Variants in MAP2K4 observed in about 807,000 individuals in gnomAD.
The protein encoded by MAP2K4 is dual specificity mitogen-activated protein kinase kinase 4.
A neutral mutation model predicts 48.5 loss-of-function variants in MAP2K4; 4 were observed. That is an observed-to-expected ratio of 0.08 (90% confidence interval 0.04 to 0.19). MAP2K4 has a LOEUF of 0.19. Ranked by LOEUF, MAP2K4 falls within the 10% of genes least tolerant of loss-of-function variation. The pLI, the probability that MAP2K4 is intolerant of heterozygous loss-of-function variation, is 1.00. For missense variants in MAP2K4, 258 were observed against 493.3 expected (o/e 0.52, Z 4.52); for synonymous variants, 166 against 173.1 (o/e 0.96, Z 0.32).
chr17:12,103,313 T>G (rs1185229576), intron 4 of MAP2K4, among the ~76,000 whole-genome samples: 1 of 151,818 alleles, frequency 6.6e-6, no homozygotes, highest in African/African-American at 2.4e-5. Flanking sequence ...CCCTAAAGCA[T>G]TGGAATTACA....
chr17:12,136,515 G>T (rs1290858577), intron 9 of MAP2K4, among the ~76,000 whole-genome samples: 8 of 152,224 alleles, frequency 5.3e-5, no homozygotes, highest in Admixed American at 5.2e-4. Flanking sequence ...GCTCTGTCTA[G>T]TGTGGTAGCT....
chr17:12,106,888 T>C lies in MAP2K4; in HGVS notation c.514-902T>C, dbSNP rs140007846. 9.7e-3 allele frequency among the ~76,000 whole-genome samples: 1,477 copies of C among 152,214 alleles called. 19 individuals are homozygous for C. The highest frequency in any genetic ancestry group is 0.032 in the African/African-American group (1,344 of 41,574). The stretch of plus-strand genomic sequence containing the variant: ...AATTGATTTTAGATAATCTCTTTAA[T>C]GTTGTTGTATTCCCTTTTGTGAGAT... On this transcript the variant is annotated intron_variant, in intron 4 of 10. Coordinates refer to ENST00000353533, the MANE Select transcript of MAP2K4 (RefSeq NM_003010.4).
intron 4 of MAP2K4, among the ~76,000 whole-genome samples, chr17:12,107,382 CTTTTTTTTTT>C (rs71367383): frequency 9.4e-6 from 1 of 106,408 alleles, no homozygotes; most frequent in African/African-American, 3.6e-5. Flanking sequence ...TGTCTTTTTC[CTTTTTTTTTT>C]TTTTTTTTTG....
intron 7 of MAP2K4, among the ~76,000 whole-genome samples, chr17:12,121,195 C>T (rs1049611984): frequency 1.3e-5 from 2 of 152,198 alleles, no homozygotes; most frequent in South Asian, 2.1e-4. Flanking sequence ...ATAAAATTAC[C>T]TTCAGGCTAT....
chr17:12,026,774 C>G (rs994969857), intron 1 of MAP2K4: 1 of 152,164 alleles, frequency 6.6e-6, no homozygotes, highest in East Asian at 1.9e-4. Context: ...AGTCAGGGGG[C>G]GGAAGCTCCA....
chr17:12,119,905 G>T (rs538714963), intron 7 of MAP2K4, among the ~76,000 whole-genome samples: 2 of 152,192 alleles, frequency 1.3e-5, no homozygotes, highest in Non-Finnish European at 2.9e-5. Flanking sequence ...GCAAACTAAT[G>T]CAGGAACAGA....
intron 9 of MAP2K4, among the ~76,000 whole-genome samples, chr17:12,137,472 C>T (rs1296635071): frequency 2.0e-5 from 3 of 152,126 alleles, no homozygotes; most frequent in Non-Finnish European, 4.4e-5. Context: ...ATGGAAAAAT[C>T]ATAGCTGTTG....
chr17:12,094,168 A>C (rs755612411), intron 3 of MAP2K4, among the ~76,000 whole-genome samples: 1 of 152,176 alleles, frequency 6.6e-6, no homozygotes, highest in Non-Finnish European at 1.5e-5. Context: ...TTAATATAAA[A>C]GTTGTAGGTA....
chr17:12,053,875 A>G (rs1244385232), intron 1 of MAP2K4, among the ~76,000 whole-genome samples: 3 of 152,070 alleles, frequency 2.0e-5, no homozygotes, highest in Non-Finnish European at 4.4e-5. Flanking sequence ...GAGGTCAGAA[A>G]GTGTTTGGAT....
In MAP2K4 at chr17:12,093,105, A is replaced by G. The variant is rs190585043; in HGVS notation, c.394-2470A>G. 3.3e-5 allele frequency among the ~76,000 whole-genome samples: 5 copies of G among 152,362 alleles called. No individual in the cohort carries two copies. The East Asian group carries it at 9.6e-4, about 29-fold the overall frequency. The stretch of plus-strand genomic sequence containing the variant: ...AGCAGCTACTTTTCTACCTACTGCC[A>G]GATACTTAGACAAAATGTTCAGAGA... On this transcript the variant is annotated intron_variant, in intron 3 of 10. Coordinates refer to ENST00000353533, the MANE Select transcript of MAP2K4 (RefSeq NM_003010.4).
At chr17:12,064,019 G>C (rs1377094579) in intron 2 of MAP2K4, among the ~76,000 whole-genome samples, 3 of 109,802 alleles carry the variant, frequency 2.7e-5, no homozygotes, top group African/African-American at 9.7e-5. Context: ...AGGGGAAGGG[G>C]GGGAGAGAGA....
At chr17:12,113,130 C>T (rs1972362524) in intron 6 of MAP2K4, 103 bp from the exon 7 acceptor site, 4 of 940,142 alleles carry the variant, frequency 4.3e-6, no homozygotes, top group South Asian at 3.9e-5. Context: ...AGGACTTGAC[C>T]ACTTATGTTG....
intron 3 of MAP2K4, among the ~76,000 whole-genome samples, chr17:12,088,548 C>T (rs4989898): frequency 3.8e-5 from 5 of 130,126 alleles, no homozygotes; most frequent in South Asian, 2.2e-4. Context: ...TAAATTATAT[C>T]TAATATATAA....
chr17:12,130,629 G>A (rs1252345694), intron 9 of MAP2K4, among the ~76,000 whole-genome samples: 1 of 152,182 alleles, frequency 6.6e-6, no homozygotes, highest in Non-Finnish European at 1.5e-5. Context: ...TAGAGTGACA[G>A]TTTTAGACAT....
intron 9 of MAP2K4, among the ~76,000 whole-genome samples, chr17:12,131,551 AGC>A (rs1187639817): frequency 6.6e-6 from 1 of 152,006 alleles, no homozygotes; most frequent in Non-Finnish European, 1.5e-5. Flanking sequence ...GGCCCGCTCT[AGC>A]CACATTTCTC....
In MAP2K4 at chr17:12,141,288, AAAG is replaced by A. The variant is rs1440414957; in HGVS notation, c.*29_*31del. On this transcript the variant is annotated 3_prime_UTR_variant, in exon 11 of 11. Transcript: ENST00000353533. The stretch of plus-strand genomic sequence containing the variant: ...TCGCTGCTACATCAGACTCTAGAAA[AAAG>A]GGCTGAGAGGAAGCAAGACGTAAAG... 6.6e-7 allele frequency: 1 copy of A among 1,505,484 alleles called. No individual in the cohort carries two copies. The highest frequency in any genetic ancestry group is 9.2e-7 in the Non-Finnish European group (1 of 1,081,242). 93.3% of individuals were successfully genotyped at this position (1,505,484 alleles called of 1,614,324 possible). A position where few individuals can be genotyped will look rare whatever the true frequency, so the allele number is the denominator to read the frequency against.
intron 2 of MAP2K4, among the ~76,000 whole-genome samples, chr17:12,067,794 G>A (rs1010711421): frequency 1.1e-4 from 16 of 152,180 alleles, no homozygotes; most frequent in African/African-American, 3.6e-4. Flanking sequence ...TAGTTACTAT[G>A]GTGTGGGCAT....
intron 1 of MAP2K4, among the ~76,000 whole-genome samples, chr17:12,022,415 T>C (rs1055850872): frequency 2.0e-5 from 3 of 152,198 alleles, no homozygotes; most frequent in African/African-American, 4.8e-5. Context: ...TGATGAAGTA[T>C]AAGATTGACT....
rs559487451 is a variant in MAP2K4, at chr17:12,115,914, C to T, written c.813+2554C>T. 203 of 547,962 alleles carry T rather than the reference C, an allele frequency of 3.7e-4. 1 individual carries two copies. Among genetic ancestry groups the T allele is most frequent in the Non-Finnish European group, 5.8e-4 (165 of 286,754 alleles). 33.9% of individuals were successfully genotyped at this position (547,962 alleles called of 1,614,324 possible). On this transcript the variant is annotated intron_variant, in intron 7 of 10. Coordinates refer to ENST00000353533, the MANE Select transcript of MAP2K4 (RefSeq NM_003010.4). ...CCTCCTAGTCCAGCCTGTGACCTTC[C>T]TCCGGTAGTTCATCTTCTAACACCA...
Sources: gnomAD v4.1 joint callset for allele counts (sites outside exome capture counted in the v4.1 genomes callset) on GRCh38, gnomAD v4.1.1 for gene constraint, MANE v1.5 for transcripts, NCBI Gene and HGNC (gene_info 2026-07-23, HGNC 2026-07-21) for gene names.